DNAH11: variants seen among roughly 807,000 people sequenced by gnomAD.
DNAH11 encodes axonemal beta dynein heavy chain 11.
A neutral mutation model predicts 526.0 loss-of-function variants in DNAH11; 442 were observed. The ratio of observed to expected loss-of-function variants is 0.84; its 90% CI spans 0.78 to 0.91. The LOEUF (loss-of-function observed/expected upper bound fraction) is 0.91, where lower values mean the gene tolerates loss of function less well. Among genes scored for constraint, DNAH11 ranks in the 40% least tolerant of loss-of-function variants. The pLI is 0.00. For missense variants in DNAH11, 6,989 were observed against 5,448.7 expected, an observed-to-expected ratio of 1.28 and a Z score of -8.90; for synonymous variants, 2,461 against 1,935.9, an observed-to-expected ratio of 1.27 and a Z score of -7.12.
intron 25 of DNAH11, among the ~76,000 whole-genome samples, chr7:21,629,652 G>C (rs952030382): frequency 2.6e-5 from 4 of 151,962 alleles, no homozygotes; most frequent in Admixed American, 6.6e-5. Context: ...TTGCCTAATT[G>C]GTTCCTTTAT....
Position 21,901,560 on chromosome 7 carries a change from C to A in DNAH11, c.*306C>A. The A allele has an allele frequency of 4.8e-6, 1 of 209,070 alleles. No homozygotes were observed. 13.0% of individuals were successfully genotyped at this position (209,070 alleles called of 1,614,324 possible). ...CTCCCTCCTGGGCAACAGAACAAGA[C>A]TCCATCTCAAAAAAAAAAAAGTACA... On this transcript the variant is annotated 3_prime_UTR_variant, in exon 82 of 82. Coordinates refer to ENST00000409508, the MANE Select transcript of DNAH11 (RefSeq NM_001277115.2).
chr7:21,696,732 C>A (rs1234785622), intron 35 of DNAH11, among the ~76,000 whole-genome samples: 1 of 151,808 alleles, frequency 6.6e-6, no homozygotes, highest in Non-Finnish European at 1.5e-5. Context: ...ACTCACCAAC[C>A]ATGAGGCCTA....
At position 21,718,200 on chromosome 7, in the gene DNAH11, G is replaced by A. The variant is rs2965410; in HGVS notation, c.7134+275G>A. Among the ~76,000 whole-genome samples, 14,407 of 151,232 alleles carry A rather than the reference G, an allele frequency of 0.095. 1,581 individuals carry two copies. The highest frequency in any genetic ancestry group is 0.34 in the East Asian group (1,766 of 5,130). ...ACCATGTTTTACTGATTTTTTTTTA[G>A]TATCCCCAGATAGCTCTTAGCACAT... On this transcript the variant is annotated intron_variant, in intron 43 of 81. Transcript: ENST00000409508.
At chr7:21,579,239 TA>T (rs1784219788) in intron 8 of DNAH11, among the ~76,000 whole-genome samples, 1 of 152,218 alleles carries the variant, frequency 6.6e-6, no homozygotes, top group Admixed American at 6.5e-5. Context: ...GCAACATTTT[TA>T]TAATGATTTC....
Position 21,600,720 on chromosome 7 carries a change from G to C in DNAH11, c.3045G>C (p.Glu1015Asp). 1 of 1,613,802 alleles carries C rather than the reference G, an allele frequency of 6.2e-7. No individual in the cohort carries two copies. Reference sequence around the variant, plus strand: ...TAGGCCTGGCAGAGGTCAGGCAGGAGATCATGAACAGAGTGGTGAATGTCA... The same window carrying C: ...TAGGCCTGGCAGAGGTCAGGCAGGACATCATGAACAGAGTGGTGAATGTCA... Reference protein sequence around the residue: ...NMLGLAEVRQEIMNRVVNVIN... With the variant: ...NMLGLAEVRQDIMNRVVNVIN... The change falls in exon 16 of 82, where the codon GAG becomes GAC. Residue 1015 changes from glutamate to aspartate, a missense_variant. Coordinates refer to ENST00000409508, the MANE Select transcript of DNAH11 (RefSeq NM_001277115.2).
chr7:21,808,049 G>A lies in DNAH11; in HGVS notation c.10332G>A (p.Lys3444=), dbSNP rs1243329120. 1.3e-6 allele frequency: 2 copies of A among 1,517,254 alleles called. No homozygotes were observed. The highest frequency in any genetic ancestry group is 1.8e-6 in the Non-Finnish European group (2 of 1,118,426). The allele number at this position is 1,517,254 out of a possible 1,614,324, so 94.0% of individuals were successfully genotyped here. A position where few individuals can be genotyped will look rare whatever the true frequency, so the allele number is the denominator to read the frequency against. The change falls in exon 63 of 82, where the codon AAG becomes AAA. Residue 3444 remains lysine (K), a splice_region_variant and synonymous_variant. Transcript: ENST00000409508. ...HCKWVPFLQQ[K]VSIPLTEGLD... ...AGTGGGTTCCCTTTCTTCAACAGAA[G>A]GTAAGTTCAGTTCCTTACCTTGTCA...
intron 1 of DNAH11, among the ~76,000 whole-genome samples, chr7:21,544,006 G>A (rs920336499): frequency 2.6e-5 from 4 of 152,060 alleles, no homozygotes; most frequent in Non-Finnish European, 5.9e-5. Context: ...CATGTAACTC[G>A]TCACGTATTT....
intron 66 of DNAH11, among the ~76,000 whole-genome samples, chr7:21,843,016 AG>A (rs1180222271): frequency 6.6e-6 from 1 of 152,256 alleles, no homozygotes; most frequent in Non-Finnish European, 1.5e-5. Flanking sequence ...CATGTAAAAT[AG>A]AGGTATGTGC....
intron 73 of DNAH11, 30 bp from the exon 74 acceptor site, chr7:21,873,244 A>G: frequency 2.0e-6 from 3 of 1,516,266 alleles, no homozygotes; most frequent in Non-Finnish European, 2.7e-6. Flanking sequence ...CCTCACCTTC[A>G]CAGGAATTAT....
intron 55 of DNAH11, among the ~76,000 whole-genome samples, chr7:21,770,979 T>G (rs1161843493): frequency 6.6e-6 from 1 of 152,214 alleles, no homozygotes; most frequent in East Asian, 1.9e-4. Flanking sequence ...AAATATCTTA[T>G]TAATATATTC....
Position 21,599,893 on chromosome 7 carries a change from A to G in DNAH11, c.2774A>G (p.His925Arg), listed in dbSNP as rs759163666. Reference sequence around the variant, plus strand: ...GAAGGCTTTTTTCAGGCTATAATGCACGACTTAGACTTCTTTCTGAAGAAT... The same window carrying G: ...GAAGGCTTTTTTCAGGCTATAATGCGCGACTTAGACTTCTTTCTGAAGAAT... The part of the protein sequence containing the change: ...VVEGFFQAIM[H>R]DLDFFLKNTE... Residue 925 changes from histidine (H) to arginine (R), a missense_variant, in exon 15 of 82, where the codon CAC becomes CGC. Coordinates refer to ENST00000409508, the MANE Select transcript of DNAH11 (RefSeq NM_001277115.2). 9.3e-6 allele frequency: 15 copies of G among 1,613,400 alleles called. No individual in the cohort carries two copies. The highest frequency in any genetic ancestry group is 2.2e-5 in the East Asian group (1 of 44,868).
chr7:21,707,349 T>G (rs958476538), intron 39 of DNAH11, among the ~76,000 whole-genome samples: 1 of 152,238 alleles, frequency 6.6e-6, no homozygotes, highest in Non-Finnish European at 1.5e-5. Flanking sequence ...AAAACCAATC[T>G]TGCTGATTCA....
At chr7:21,565,718 C>T (rs570459987) in intron 6 of DNAH11, among the ~76,000 whole-genome samples, 1 of 152,194 alleles carries the variant, frequency 6.6e-6, no homozygotes. Flanking sequence ...AATGCCTAGT[C>T]CATGGCTATT....
intron 30 of DNAH11, among the ~76,000 whole-genome samples, chr7:21,678,930 C>T (rs976690417): frequency 1.4e-4 from 21 of 152,080 alleles, no homozygotes; most frequent in South Asian, 4.1e-4. Context: ...TGTGCACTCC[C>T]GTGTTCATTG....
At chr7:21,818,158 A>C (rs6957850) in intron 64 of DNAH11, 59 bp from the exon 65 acceptor site, 3 of 1,544,030 alleles carry the variant, frequency 1.9e-6, no homozygotes, top group Non-Finnish European at 8.8e-7. Context: ...CATTTAAAAA[A>C]TTTTGAACAT....
chr7:21,862,101 G>T lies in DNAH11; in HGVS notation c.11373+78G>T. On this transcript the variant is annotated intron_variant, in intron 69 of 81. Coordinates refer to ENST00000409508, the MANE Select transcript of DNAH11 (RefSeq NM_001277115.2). Reference sequence around the variant, plus strand: ...TCTGTTTATTATATATTTTATTTCTGCTGAAGCAAAATATAATAGACTTTT... The same window carrying T: ...TCTGTTTATTATATATTTTATTTCTTCTGAAGCAAAATATAATAGACTTTT... 7 of 1,339,134 alleles carry T rather than the reference G, an allele frequency of 5.2e-6. No homozygotes were observed. The South Asian group carries it at 6.5e-5, about 12-fold the overall frequency. The allele number at this position is 1,339,134 out of a possible 1,614,324, so 83.0% of individuals were successfully genotyped here. A position where few individuals can be genotyped will look rare whatever the true frequency, so the allele number is the denominator to read the frequency against.
intron 42 of DNAH11, among the ~76,000 whole-genome samples, chr7:21,713,898 A>G (rs1249317715): frequency 6.6e-6 from 1 of 152,160 alleles, no homozygotes; most frequent in Non-Finnish European, 1.5e-5. Context: ...TTCCACACCT[A>G]GGATTCTGTC....
At chr7:21,598,593 A>ATAAG (rs1235043709) in intron 14 of DNAH11, among the ~76,000 whole-genome samples, 2 of 61,558 alleles carry the variant, frequency 3.2e-5, no homozygotes, top group East Asian at 7.1e-3. Context: ...GCAAAAATAA[A>ATAAG]TAAATAAATA....
intron 35 of DNAH11, among the ~76,000 whole-genome samples, chr7:21,695,746 C>G (rs1783821858): frequency 6.6e-6 from 1 of 152,122 alleles, no homozygotes; most frequent in South Asian, 2.1e-4. Flanking sequence ...CAAATGGGAT[C>G]TAATTAAACT....
Sources: gnomAD v4.1 joint callset for allele counts (sites outside exome capture counted in the v4.1 genomes callset) on GRCh38, gnomAD v4.1.1 for gene constraint, MANE v1.5 for transcripts, NCBI Gene and HGNC (gene_info 2026-07-23, HGNC 2026-07-21) for gene names.